FAM13A: variants seen among roughly 807,000 people sequenced by gnomAD.
FAM13A encodes the protein protein FAM13A.
Under a neutral mutation model 129.6 loss-of-function variants are expected in FAM13A, and 76 were observed. That is an observed-to-expected ratio of 0.59 (90% CI 0.49 to 0.71). FAM13A has a LOEUF of 0.71. FAM13A is among the 30% of genes least tolerant of loss of function. The pLI, the probability that FAM13A is intolerant of heterozygous loss-of-function variation, is 0.00. For missense variants in FAM13A, 1,108 were observed against 1,249.3 expected, an observed-to-expected ratio of 0.89 and a Z score of 1.70; for synonymous variants, 443 against 449.9, an observed-to-expected ratio of 0.98 and a Z score of 0.20.
rs1366479689 is a variant in FAM13A at position 88,890,030 on chromosome 4, A to C, written c.843+16349T>G. Among the ~76,000 whole-genome samples, 4 of 152,226 alleles carry C rather than the reference A, an allele frequency of 2.6e-5. 1 individual carries two copies. The South Asian group carries it at 6.2e-4, about 24-fold the overall frequency. ...TTAATGAAAAATGAGGGCAACCAGG[A>C]TAATTTGGTTCTTGGCCAAATAGGA... On this transcript the variant is annotated intron_variant, in intron 6 of 23. Coordinates refer to ENST00000264344, the MANE Select transcript of FAM13A (RefSeq NM_014883.4).
At chr4:88,891,653 A>G (rs1348676364) in intron 6 of FAM13A, among the ~76,000 whole-genome samples, 2 of 152,206 alleles carry the variant, frequency 1.3e-5, no homozygotes, top group Admixed American at 1.3e-4. Context: ...GTTGAAGGTT[A>G]GAAGAATCTA....
Position 89,020,556 on chromosome 4 carries a change from A to G in FAM13A, c.331T>C (p.Cys111Arg). 5 of 1,614,106 alleles carry G rather than the reference A, an allele frequency of 3.1e-6. No homozygotes were observed. The highest frequency in any genetic ancestry group is 4.2e-6 in the Non-Finnish European group (5 of 1,180,002). Reference protein sequence around the residue: ...PVELGKDGDVCSAASLLKLFL... With the variant: ...PVELGKDGDVRSAASLLKLFL... ...AGCTTCAACAGACTGGCTGCTGAGCAGACATCACCGTCCTTCCCGAGCTCC... is the reference window on the plus strand; with the variant it reads ...AGCTTCAACAGACTGGCTGCTGAGCGGACATCACCGTCCTTCCCGAGCTCC... Residue 111 changes from cysteine (C) to arginine (R), a missense_variant, in exon 3 of 24, where the codon TGC becomes CGC. By Grantham distance (180) the Cys-to-Arg change is radical. This residue lies in a region of FAM13A where 566 missense variants were observed against 595.7 expected (regional missense o/e 0.95). Coordinates refer to ENST00000264344, the MANE Select transcript of FAM13A (RefSeq NM_014883.4).
In FAM13A at chr4:88,988,171, T is replaced by A. The variant is rs559505362; in HGVS notation, c.605+2802A>T. Among the ~76,000 whole-genome samples, 633 of 152,034 alleles carry A rather than the reference T, an allele frequency of 4.2e-3. 5 individuals carry two copies. The highest frequency in any genetic ancestry group is 0.014 in the African/African-American group (599 of 41,474). ...AAATTAAATTTTTTTCAAAAGTCAATGTGGTTGAAAAAAAAAGTTGTGGTT... is the reference window on the plus strand; with the variant it reads ...AAATTAAATTTTTTTCAAAAGTCAAAGTGGTTGAAAAAAAAAGTTGTGGTT... On this transcript the variant is annotated intron_variant, in intron 4 of 23. Transcript: ENST00000264344.
At position 88,778,485 on chromosome 4, in the gene FAM13A, C is replaced by A. The variant is rs566357435; in HGVS notation, c.1458+2680G>T. 2.2e-4 allele frequency among the ~76,000 whole-genome samples: 34 copies of A among 152,260 alleles called. 1 individual carries two copies. The South Asian group carries it at 6.2e-3, about 28-fold the overall frequency. ...TGCAGTGCACAACTCCAGGGGGAAC[C>A]ATTCATGTTTTAGTTGATGGGAACA... On this transcript the variant is annotated intron_variant, in intron 11 of 23. Coordinates refer to ENST00000264344, the MANE Select transcript of FAM13A (RefSeq NM_014883.4).
At chr4:88,946,731 T>G in intron 4 of FAM13A, among the ~76,000 whole-genome samples, 1 of 151,936 alleles carries the variant, frequency 6.6e-6, no homozygotes, top group Non-Finnish European at 1.5e-5. Flanking sequence ...GTTGGTTTGG[T>G]TTATAAGGAC....
At chr4:88,772,847 G>A (rs1271914535) in intron 11 of FAM13A, among the ~76,000 whole-genome samples, 1 of 152,144 alleles carries the variant, frequency 6.6e-6, no homozygotes, top group African/African-American at 2.4e-5. Flanking sequence ...GATACTCAAA[G>A]TACAGCTTCT....
intron 1 of FAM13A, among the ~76,000 whole-genome samples, chr4:89,039,772 G>C (rs12645603): frequency 0.026 from 3,898 of 152,020 alleles, 237 homozygotes; most frequent in East Asian, 0.15. Context: ...AACAAAGTGA[G>C]ATCCCATCTC....
At chr4:89,003,064 G>T (rs1157904701) in intron 3 of FAM13A, among the ~76,000 whole-genome samples, 1 of 151,990 alleles carries the variant, frequency 6.6e-6, no homozygotes, top group Non-Finnish European at 1.5e-5. Context: ...CAATCTGATG[G>T]AACCCATGGA....
intron 14 of FAM13A, among the ~76,000 whole-genome samples, chr4:88,756,437 G>A (rs780103878): frequency 6.6e-6 from 1 of 152,192 alleles, no homozygotes; most frequent in Non-Finnish European, 1.5e-5. Flanking sequence ...CGCCTCTGCA[G>A]TTAAGTATTG....
chr4:88,766,512 G>A (rs750946336), intron 13 of FAM13A, among the ~76,000 whole-genome samples: 1 of 152,144 alleles, frequency 6.6e-6, no homozygotes, highest in Non-Finnish European at 1.5e-5. Context: ...GATATGAGGA[G>A]TCTACAGCAT....
At chr4:88,923,546 C>G (rs144165668) in intron 5 of FAM13A, among the ~76,000 whole-genome samples, 18,528 of 152,120 alleles carry the variant, frequency 0.12, 1,415 homozygotes, top group Non-Finnish European at 0.16. Flanking sequence ...ATTGAGGGGA[C>G]ATATCTCAAA....
chr4:89,054,414 G>T (rs1232922179), intron 1 of FAM13A, among the ~76,000 whole-genome samples: 1 of 152,068 alleles, frequency 6.6e-6, no homozygotes, highest in Non-Finnish European at 1.5e-5. Flanking sequence ...ATATGTATAA[G>T]TATGTAAGTC....
At chr4:88,897,532 T>C (rs895828667) in intron 6 of FAM13A, among the ~76,000 whole-genome samples, 2 of 152,180 alleles carry the variant, frequency 1.3e-5, no homozygotes, top group Non-Finnish European at 2.9e-5. Flanking sequence ...CCAGAGCTAA[T>C]GGACATAAGC....
At chr4:88,806,095 A>G (rs1728500092) in intron 7 of FAM13A, among the ~76,000 whole-genome samples, 1 of 152,166 alleles carries the variant, frequency 6.6e-6, no homozygotes, top group Non-Finnish European at 1.5e-5. Context: ...GGTCCACTGG[A>G]GTGATCTCTG....
chr4:88,887,013 G>C (rs1744536195), intron 6 of FAM13A, among the ~76,000 whole-genome samples: 2 of 152,142 alleles, frequency 1.3e-5, no homozygotes, highest in African/African-American at 2.4e-5. Context: ...GATGGAATTA[G>C]AGACCATTAT....
At chr4:89,042,142 C>T (rs1770228915) in intron 1 of FAM13A, among the ~76,000 whole-genome samples, 1 of 151,988 alleles carries the variant, frequency 6.6e-6, no homozygotes, top group Admixed American at 6.6e-5. Context: ...AGAAAAACTC[C>T]TTAACAGGGG....
intron 7 of FAM13A, among the ~76,000 whole-genome samples, chr4:88,822,680 C>T (rs1484196940): frequency 6.6e-6 from 1 of 152,172 alleles, no homozygotes; most frequent in Non-Finnish European, 1.5e-5. Context: ...GCTCATTATA[C>T]TTCTCAGTCC....
chr4:88,938,238 C>T lies in FAM13A; in HGVS notation c.609G>A (p.Val203=), dbSNP rs1413407057. 1.2e-6 allele frequency: 2 copies of T among 1,600,526 alleles called. No homozygotes were observed. The highest frequency in any genetic ancestry group is 1.7e-6 in the Non-Finnish European group (2 of 1,175,344). The change falls in exon 5 of 24, where the codon GTG becomes GTA. Residue 203 remains valine (V), a synonymous_variant. Coordinates refer to ENST00000264344, the MANE Select transcript of FAM13A (RefSeq NM_014883.4). The part of the protein sequence containing the change: ...ATVFGPNCFH[V]PPGLEGMKEQ... Reference sequence around the variant, plus strand: ...CCTTCATGCCTTCAAGCCCAGGTGGCACACTAGAAACAAGAAAGGGAAAGA... The same window carrying T: ...CCTTCATGCCTTCAAGCCCAGGTGGTACACTAGAAACAAGAAAGGGAAAGA...
At chr4:88,885,244 T>C (rs573609155) in intron 6 of FAM13A, among the ~76,000 whole-genome samples, 4 of 152,092 alleles carry the variant, frequency 2.6e-5, no homozygotes, top group Non-Finnish European at 5.9e-5. Context: ...AGGCATCACA[T>C]TACCCAACCT....
Sources: gnomAD v4.1 joint callset for allele counts (sites outside exome capture counted in the v4.1 genomes callset) on GRCh38, gnomAD v4.1.1 for gene constraint, gnomAD v4.1.1 regional missense constraint, MANE v1.5 for transcripts, NCBI Gene and HGNC (gene_info 2026-07-23, HGNC 2026-07-21) for gene names.